The following ARPP21 variants were observed in gnomAD, a reference collection of about 807,000 sequenced individuals.
The protein encoded by ARPP21 is cAMP-regulated phosphoprotein 21.
ARPP21 carries 69 observed loss-of-function variants against 113.2 expected under a neutral mutation model. The observed-to-expected ratio is 0.61, with a 90% CI of 0.50 to 0.74. The LOEUF (loss-of-function observed/expected upper bound fraction) is 0.74. ARPP21 is among the 30% of genes least tolerant of loss of function. The pLI, the probability that ARPP21 is intolerant of heterozygous loss-of-function variation, is 0.00. For synonymous variants in ARPP21, 368 were observed against 375.5 expected, an observed-to-expected ratio of 0.98 and a Z score of 0.23; for missense variants, 1,070 against 1,037.4, an observed-to-expected ratio of 1.03 and a Z score of -0.43.
chr3:35,784,520 C>T (rs185029206), intron 19 of ARPP21, among the ~76,000 whole-genome samples: 1 of 152,168 alleles, frequency 6.6e-6, no homozygotes, highest in East Asian at 1.9e-4. Flanking sequence ...GTGATAGCAC[C>T]AGAAATCATA....
chr3:35,754,902 TACA>T (rs1437175102), intron 19 of ARPP21, among the ~76,000 whole-genome samples: 1 of 151,918 alleles, frequency 6.6e-6, no homozygotes, highest in African/African-American at 2.4e-5. Context: ...TTCTTTACTA[TACA>T]AAAGAAAGTA....
At chr3:35,698,118 CTT>C in intron 9 of ARPP21, among the ~76,000 whole-genome samples, 1 of 151,758 alleles carries the variant, frequency 6.6e-6, no homozygotes, top group Non-Finnish European at 1.5e-5. Context: ...AACTATGAAA[CTT>C]TATTTACTGA....
At chr3:35,697,450 T>C (rs1019829926) in intron 9 of ARPP21, among the ~76,000 whole-genome samples, 1 of 151,596 alleles carries the variant, frequency 6.6e-6, no homozygotes, top group Admixed American at 6.6e-5. Flanking sequence ...TGTTGTATGT[T>C]CCAGAAAGGA....
chr3:35,784,558 A>G (rs548031409), intron 19 of ARPP21, among the ~76,000 whole-genome samples: 1 of 152,312 alleles, frequency 6.6e-6, no homozygotes, highest in African/African-American at 2.4e-5. Flanking sequence ...TTCATATCCT[A>G]AATAACTCTC....
At chr3:35,639,200 G>A (rs1697426016), upstream of ARPP21, among the ~76,000 whole-genome samples, 1 of 152,056 alleles carries the variant, frequency 6.6e-6, no homozygotes, top group Non-Finnish European at 1.5e-5. This position sits in a 1 kb window ranked among gnomAD's most constrained non-coding sequence, Gnocchi z 5.0. Flanking sequence ...CCTTAGGGCT[G>A]GCGGAGAACG....
chr3:35,645,052 T>C (rs1008537328), intron 1 of ARPP21, among the ~76,000 whole-genome samples: 1 of 151,942 alleles, frequency 6.6e-6, no homozygotes. Flanking sequence ...TCAAGGAATA[T>C]ATTTATAATT....
intron 19 of ARPP21, among the ~76,000 whole-genome samples, chr3:35,766,357 G>T (rs561317852): frequency 1.3e-5 from 2 of 152,210 alleles, no homozygotes; most frequent in South Asian, 4.1e-4. Flanking sequence ...TCTCTTTATT[G>T]ATGTAAACAA....
At chr3:35,682,762 C>T in intron 3 of ARPP21, 86 bp from the exon 4 acceptor site, 2 of 1,194,452 alleles carry the variant, frequency 1.7e-6, no homozygotes, top group East Asian at 2.7e-5. Context: ...TTCTCTCTTT[C>T]TTTCTCTCTC....
intron 4 of ARPP21, 120 bp from the exon 5 acceptor site, chr3:35,683,606 G>T: frequency 3.0e-6 from 2 of 661,292 alleles, no homozygotes; most frequent in East Asian, 5.4e-5. Context: ...CTTGAAGTTT[G>T]GTTTTAAAAA....
intron 1 of ARPP21, chr3:35,652,008 C>A (rs1224227285): frequency 6.6e-6 from 1 of 152,212 alleles, no homozygotes; most frequent in East Asian, 1.9e-4. Context: ...AGAAGGCACT[C>A]CTTGCACAGA....
intron 1 of ARPP21, among the ~76,000 whole-genome samples, chr3:35,646,887 G>A (rs1443845816): frequency 6.6e-6 from 1 of 152,136 alleles, no homozygotes; most frequent in Non-Finnish European, 1.5e-5. Flanking sequence ...TCACAGCAAA[G>A]AACTAGCTGG....
chr3:35,768,332 C>A (rs2096065261), intron 19 of ARPP21, among the ~76,000 whole-genome samples: 1 of 152,094 alleles, frequency 6.6e-6, no homozygotes, highest in African/African-American at 2.4e-5. Context: ...ATTCAGCTGG[C>A]AAATTCTACT....
intron 19 of ARPP21, among the ~76,000 whole-genome samples, chr3:35,748,398 A>G (rs972314396): frequency 6.6e-6 from 1 of 150,490 alleles, no homozygotes; most frequent in Non-Finnish European, 1.5e-5. Flanking sequence ...AAGAAAAGAA[A>G]GGGAGAAAGG....
intron 1 of ARPP21, chr3:35,641,051 G>A (rs1304161984): frequency 6.6e-6 from 1 of 152,168 alleles, no homozygotes; most frequent in Non-Finnish European, 1.5e-5. Context: ...TGAAGATGTA[G>A]GGTAAGGACA....
At chr3:35,691,694 A>G (rs1452720243) in intron 9 of ARPP21, among the ~76,000 whole-genome samples, 1 of 151,608 alleles carries the variant, frequency 6.6e-6, no homozygotes, top group Admixed American at 6.6e-5. Context: ...GCATAATAAC[A>G]TGAGTAGTCA....
rs770912517 is a variant in ARPP21, at chr3:35,683,830, C to T, written c.261+15C>T. 6.6e-6 allele frequency: 8 copies of T among 1,213,816 alleles called. No individual in the cohort carries two copies. The highest frequency in any genetic ancestry group is 9.8e-6 in the Non-Finnish European group (8 of 817,168). 75.2% of individuals were successfully genotyped at this position (1,213,816 alleles called of 1,614,324 possible). A position where few individuals can be genotyped will look rare whatever the true frequency, so the allele number is the denominator to read the frequency against. On this transcript the variant is annotated intron_variant, in intron 5 of 20. Coordinates refer to ENST00000684406, the MANE Select transcript of ARPP21 (RefSeq NM_001385562.1). ...TTCAGGATCAGGTATATCCCCTTGC[C>T]ATTATCATTAATTGCATGAATGGGA...
intron 1 of ARPP21, chr3:35,678,830 T>G (rs2078161291): frequency 6.6e-6 from 1 of 151,890 alleles, no homozygotes; most frequent in Non-Finnish European, 1.5e-5. Context: ...ATGCATTTAG[T>G]GTTTTCATAG....
chr3:35,753,012 G>A (rs890059089), intron 19 of ARPP21, among the ~76,000 whole-genome samples: 1 of 150,890 alleles, frequency 6.6e-6, no homozygotes, highest in Non-Finnish European at 1.5e-5. Flanking sequence ...AATAACATGT[G>A]TACCTATTTT....
rs548245583 is a variant in ARPP21 at position 35,685,436 on chromosome 3, G to A, written c.261+1621G>A. 3.1e-5 allele frequency: 31 copies of A among 984,478 alleles called. No homozygotes were observed. In the East Asian group the frequency reaches 5.7e-4, roughly 18 times the overall value. The allele number at this position is 984,478 out of a possible 1,614,324, so 61.0% of individuals were successfully genotyped here. On this transcript the variant is annotated intron_variant, in intron 5 of 20. Transcript: ENST00000684406. The stretch of plus-strand genomic sequence containing the variant: ...CAGACACACATATAAGCAAGTGGCC[G>A]TGCTACCTTTTTAGAGAATAAAGAA...
Sources: gnomAD v4.1 joint callset for allele counts (sites outside exome capture counted in the v4.1 genomes callset) on GRCh38, gnomAD v4.1.1 for gene constraint, Gnocchi (gnomAD v3.1) non-coding constraint, MANE v1.5 for transcripts, NCBI Gene and HGNC (gene_info 2026-07-23, HGNC 2026-07-21) for gene names.